Variants in VPS52 observed in about 807,000 individuals in gnomAD.
The protein encoded by VPS52 is vacuolar protein sorting-associated protein 52 homolog.
VPS52 carries 56 observed loss-of-function variants against 98.7 expected under a neutral mutation model. The ratio of observed to expected loss-of-function variants is 0.57; its 90% CI spans 0.46 to 0.71. VPS52 has a LOEUF of 0.71. Ranked by LOEUF, VPS52 falls within the 30% of genes least tolerant of loss-of-function variation. The pLI is 0.00. For synonymous variants in VPS52, 348 were observed against 346.4 expected (o/e 1.00, Z -0.05); for missense variants, 742 against 925.9 (o/e 0.80, Z 2.58).
chr6:33,271,461 G>A, intron 1 of VPS52, 125 bp downstream of exon 1: 1 of 1,380,026 alleles, frequency 7.2e-7, no homozygotes, highest in East Asian at 2.5e-5. Flanking sequence ...GAAGGGTACG[G>A]GGAGCCAAAC....
chr6:33,259,537 C>T (rs531169746), intron 17 of VPS52, among the ~76,000 whole-genome samples: 65 of 152,182 alleles, frequency 4.3e-4, no homozygotes, highest in African/African-American at 1.5e-3. Context: ...CACTGAAATA[C>T]AGGTTGAGTA....
chr6:33,263,574 C>G, intron 16 of VPS52, 25 bp from the exon 17 acceptor site: 1 of 1,614,022 alleles, frequency 6.2e-7, no homozygotes, highest in Non-Finnish European at 8.5e-7. Context: ...AGGGAAATGT[C>G]TAGTTTGGGG....
chr6:33,264,563 G>T (rs1764061663), intron 13 of VPS52, 66 bp from the exon 14 acceptor site: 4 of 1,603,602 alleles, frequency 2.5e-6, no homozygotes, highest in Non-Finnish European at 3.4e-6. Flanking sequence ...GGAGGGAGTG[G>T]GGCATCATTC....
In VPS52 at chr6:33,268,272, G is replaced by A; in HGVS notation, c.700-64C>T. 1.3e-6 allele frequency: 2 copies of A among 1,533,372 alleles called. No homozygotes were observed. Among genetic ancestry groups the A allele is most frequent in the Non-Finnish European group, 1.8e-6 (2 of 1,109,758 alleles). 95.0% of individuals were successfully genotyped at this position (1,533,372 alleles called of 1,614,324 possible). On this transcript the variant is annotated intron_variant, in intron 7 of 19. Coordinates refer to ENST00000445902, the MANE Select transcript of VPS52 (RefSeq NM_022553.6). The surrounding 1 kb of genome is among the most constrained non-coding windows in gnomAD (Gnocchi z 4.0). Reference sequence around the variant, plus strand: ...ACCCTTTTGCTGTATGAGAGGAACTGGGGGAAGCAACAAATGGTAAACATA... The same window carrying A: ...ACCCTTTTGCTGTATGAGAGGAACTAGGGGAAGCAACAAATGGTAAACATA...
At chr6:33,261,508 G>A (rs1763632523) in intron 17 of VPS52, among the ~76,000 whole-genome samples, 1 of 151,580 alleles carries the variant, frequency 6.6e-6, no homozygotes, top group Non-Finnish European at 1.5e-5. Context: ...TAATGGTGCT[G>A]GGAAAACTGG....
In VPS52 at chr6:33,267,155, T is replaced by C; in HGVS notation, c.1125+33A>G. Reference sequence around the variant, plus strand: ...TTCCCTCCCCACCGTGCTCAGAGCCTCTTTCGTGACTGAAGCTTGTTCCTC... The same window carrying C: ...TTCCCTCCCCACCGTGCTCAGAGCCCCTTTCGTGACTGAAGCTTGTTCCTC... On this transcript the variant is annotated intron_variant, in intron 11 of 19. Coordinates refer to ENST00000445902, the MANE Select transcript of VPS52 (RefSeq NM_022553.6). The surrounding 1 kb of genome is among the most constrained non-coding windows in gnomAD (Gnocchi z 4.2). The C allele has an allele frequency of 6.8e-7, 1 of 1,464,022 alleles. No homozygotes were observed. The highest frequency in any genetic ancestry group is 9.0e-7 in the Non-Finnish European group (1 of 1,106,066). The allele number at this position is 1,464,022 out of a possible 1,614,324, so 90.7% of individuals were successfully genotyped here. A position where few individuals can be genotyped will look rare whatever the true frequency, so the allele number is the denominator to read the frequency against.
At position 33,267,286 on chromosome 6, in the gene VPS52, T is replaced by C. The variant is rs1764450655; in HGVS notation, c.1027A>G (p.Thr343Ala). ...FSKPSLRSRN[T>A]IFTLGTRGSV... ...CCGCGGGTTCCTAGGGTGAAAATGG[T>C]GTTCCTGCTGCGGAGCGATGGCTTT... Residue 343 changes from threonine to alanine, a missense_variant, in exon 11 of 20, where the codon ACC becomes GCC. Physicochemically the swap from Thr to Ala is moderately conservative, Grantham distance 58. This residue lies in a region of VPS52 where 590 missense variants were observed against 793.3 expected (regional missense o/e 0.74). Transcript: ENST00000445902. This position sits in a 1 kb window ranked among gnomAD's most constrained non-coding sequence, Gnocchi z 4.2. 6.2e-7 allele frequency: 1 copy of C among 1,601,610 alleles called. No homozygotes were observed. The highest frequency in any genetic ancestry group is 1.1e-5 in the South Asian group (1 of 88,964).
intron 17 of VPS52, among the ~76,000 whole-genome samples, chr6:33,260,273 C>T (rs952748529): frequency 1.1e-4 from 17 of 151,878 alleles, no homozygotes; most frequent in Non-Finnish European, 2.1e-4. Flanking sequence ...GCTGTAATCT[C>T]GAACTCCTGG....
In VPS52 at chr6:33,263,862, A is replaced by C. The variant is rs772513714; in HGVS notation, c.1638T>G (p.Phe546Leu). 1 of 1,614,208 alleles carries C rather than the reference A, an allele frequency of 6.2e-7. No homozygotes were observed. The highest frequency in any genetic ancestry group is 2.2e-5 in the East Asian group (1 of 44,888). ...LGQLQVEVEN[F>L]VLRVAAEFSS... ...AGAACTCAGCTGCCACTCGGAGGAC[A>C]AAATTCTCCACCTCCACCTGAAAAG... is the stretch of plus-strand genomic sequence containing the variant. Residue 546 changes from phenylalanine (F) to leucine (L), a missense_variant, in exon 16 of 20, where the codon TTT (phenylalanine) becomes TTG (leucine). Coordinates refer to ENST00000445902, the MANE Select transcript of VPS52 (RefSeq NM_022553.6).
In VPS52 at chr6:33,268,832, C is replaced by T. The variant is rs1764652624; in HGVS notation, c.548+182G>A. On this transcript the variant is annotated intron_variant, in intron 6 of 19. Coordinates refer to ENST00000445902, the MANE Select transcript of VPS52 (RefSeq NM_022553.6). This position sits in a 1 kb window ranked among gnomAD's most constrained non-coding sequence, Gnocchi z 4.0. ...CCTCCCCACTATACACCTGATCTTA[C>T]ATCATTCTTAATCTTAATCTTTGAT... Among the ~76,000 whole-genome samples, 1 of 152,216 alleles carries T rather than the reference C, an allele frequency of 6.6e-6. No individual in the cohort carries two copies. The highest frequency in any genetic ancestry group is 6.5e-5 in the Admixed American group (1 of 15,288).
At chr6:33,269,625 C>T in intron 4 of VPS52, 68 bp from the exon 5 acceptor site, 1 of 1,578,358 alleles carries the variant, frequency 6.3e-7, no homozygotes, top group Non-Finnish European at 8.6e-7. Context: ...AGTACCTCTC[C>T]AATTTCTCTT....
chr6:33,263,414 C>CGCAG (rs1554258933), intron 17 of VPS52, 70 bp downstream of exon 17: 1 of 646,564 alleles, frequency 1.5e-6, no homozygotes, highest in Non-Finnish European at 2.3e-6. Context: ...CACACACACA[C>CGCAG]AGAGAGAGAG....
chr6:33,264,925 G>T, intron 12 of VPS52, 25 bp from the exon 13 acceptor site: 1 of 1,573,048 alleles, frequency 6.4e-7, no homozygotes, highest in Non-Finnish European at 8.7e-7. Flanking sequence ...AACAAACAGA[G>T]GATTAAAAGA....
In VPS52 at chr6:33,267,655, C is replaced by A; in HGVS notation, c.991+27G>T. The A allele has an allele frequency of 1.2e-6, 2 of 1,612,692 alleles. No homozygotes were observed. On this transcript the variant is annotated intron_variant, in intron 10 of 19. Coordinates refer to ENST00000445902, the MANE Select transcript of VPS52 (RefSeq NM_022553.6). This position sits in a 1 kb window ranked among gnomAD's most constrained non-coding sequence, Gnocchi z 4.2. Reference sequence around the variant, plus strand: ...AAGTCCTCCCACTCTCAAGGCCTGGCATGAGGGTTCCCCAGTACTAGGATA... The same window carrying A: ...AAGTCCTCCCACTCTCAAGGCCTGGAATGAGGGTTCCCCAGTACTAGGATA...
At chr6:33,261,478 AAG>A (rs1339109671) in intron 17 of VPS52, among the ~76,000 whole-genome samples, 6 of 152,050 alleles carry the variant, frequency 3.9e-5, no homozygotes, top group Non-Finnish European at 7.4e-5. Flanking sequence ...AAAAAAAAAA[AAG>A]AGAGATAGTC....
In VPS52 at chr6:33,250,404, TG is replaced by T. The variant is rs886286627; in HGVS notation, c.*436del. On this transcript the variant is annotated 3_prime_UTR_variant, in exon 20 of 20. Coordinates refer to ENST00000445902, the MANE Select transcript of VPS52 (RefSeq NM_022553.6). ...AAAAGCTACAGAAAAGAAATCACTT[TG>T]AAAAACACAATGACTCAGAGGCAGT... 1.8e-5 allele frequency: 3 copies of T among 164,266 alleles called. No individual in the cohort carries two copies. Among genetic ancestry groups the T allele is most frequent in the African/African-American group, 7.2e-5 (3 of 41,882 alleles). The allele number at this position is 164,266 out of a possible 1,614,324, so 10.2% of individuals were successfully genotyped here.
At chr6:33,258,322 G>C (rs1763236115) in intron 17 of VPS52, among the ~76,000 whole-genome samples, 1 of 150,452 alleles carries the variant, frequency 6.6e-6, no homozygotes, top group African/African-American at 2.5e-5. Context: ...GGGAGGCAGA[G>C]GTGCAGTGAG....
At position 33,266,646 on chromosome 6, in the gene VPS52, G is replaced by T; in HGVS notation, c.1192C>A (p.Leu398Ile). The T allele has an allele frequency of 6.2e-7, 1 of 1,612,978 alleles. No individual in the cohort carries two copies. The highest frequency in any genetic ancestry group is 8.5e-7 in the Non-Finnish European group (1 of 1,179,988). Residue 398 changes from leucine to isoleucine, a missense_variant, in exon 12 of 20, where the codon CTT becomes ATT. By Grantham distance (5) the Leu-to-Ile change is conservative. This residue lies in a region of VPS52 where 590 missense variants were observed against 793.3 expected (regional missense o/e 0.74). Coordinates refer to ENST00000445902, the MANE Select transcript of VPS52 (RefSeq NM_022553.6). ...ACAACAAAAAATTCACAGATGAAAA[G>T]GTATTCGCGGCAGGAATTGTCTAGG... Reference protein sequence around the residue: ...ALLDNSCREYLFICEFFVVSG... With the variant: ...ALLDNSCREYIFICEFFVVSG...
Position 33,267,511 on chromosome 6 carries a change from A to G in VPS52, c.991+171T>C. 1 of 1,183,926 alleles carries G rather than the reference A, an allele frequency of 8.4e-7. No homozygotes were observed. Among genetic ancestry groups the G allele is most frequent in the Non-Finnish European group, 1.2e-6 (1 of 836,514 alleles). 73.3% of individuals were successfully genotyped at this position (1,183,926 alleles called of 1,614,324 possible). A position where few individuals can be genotyped will look rare whatever the true frequency, so the allele number is the denominator to read the frequency against. ...CTCCCTTGCAATCATATGCAAAACT[A>G]TGTGTCAAAATAATGTGTGCATCTT... On this transcript the variant is annotated intron_variant, in intron 10 of 19. Coordinates refer to ENST00000445902, the MANE Select transcript of VPS52 (RefSeq NM_022553.6). The surrounding 1 kb of genome is among the most constrained non-coding windows in gnomAD (Gnocchi z 4.2).
Sources: gnomAD v4.1 joint callset for allele counts (sites outside exome capture counted in the v4.1 genomes callset) on GRCh38, gnomAD v4.1.1 for gene constraint, gnomAD v4.1.1 regional missense constraint, Gnocchi (gnomAD v3.1) non-coding constraint, MANE v1.5 for transcripts, NCBI Gene and HGNC (gene_info 2026-07-23, HGNC 2026-07-21) for gene names.